GCGR: variants seen among roughly 807,000 people sequenced by gnomAD.
GCGR encodes glucagon receptor.
A neutral mutation model predicts 56.1 loss-of-function variants in GCGR; 41 were observed. The ratio of observed to expected loss-of-function variants is 0.73; its 90% CI spans 0.57 to 0.95. The LOEUF (loss-of-function observed/expected upper bound fraction) is 0.95. Ranked by LOEUF, GCGR falls within the 40% of genes least tolerant of loss-of-function variation. The pLI is 0.00. For missense variants in GCGR, 595 were observed against 638.2 expected (o/e 0.93, Z 0.73); for synonymous variants, 278 against 271.1 (o/e 1.03, Z -0.25).
At chr17:81,807,456 G>A (rs2037986600) in intron 1 of GCGR, among the ~76,000 whole-genome samples, 1 of 152,080 alleles carries the variant, frequency 6.6e-6, no homozygotes, top group South Asian at 2.1e-4. Context: ...CTGGCCCCAC[G>A]CGGGCTCACC....
In GCGR at chr17:81,813,512, C is replaced by T. The variant is rs1476420964; in HGVS notation, c.1257C>T (p.Arg419=). The change falls in exon 14 of 14, where the codon CGC becomes CGT. Residue 419 remains arginine (R), a synonymous_variant. Coordinates refer to ENST00000400723, the MANE Select transcript of GCGR (RefSeq NM_000160.5). This position sits in a 1 kb window ranked among gnomAD's most constrained non-coding sequence, Gnocchi z 5.3. ...TGCGGCGGCGTTGGCACCGCTGGCG[C>T]CTGGGCAAAGTGCTATGGGAGGAGC... is the stretch of plus-strand genomic sequence containing the variant. The part of the protein sequence containing the change: ...SELRRRWHRW[R]LGKVLWEERN... 6.5e-7 allele frequency: 1 copy of T among 1,535,682 alleles called. No individual in the cohort carries two copies. Among genetic ancestry groups the T allele is most frequent in the African/African-American group, 1.4e-5 (1 of 73,010 alleles).
In GCGR at chr17:81,804,865, G is replaced by A. The variant is rs986875858; in HGVS notation, c.-178+616G>A. ...CCACCACCCGGCCGACTCGGCCACC[G>A]GGCTTATGCTCCGACTCTGAACCGA... is the stretch of plus-strand genomic sequence containing the variant. On this transcript the variant is annotated intron_variant, in intron 1 of 13. Transcript: ENST00000400723. The surrounding 1 kb of genome is among the most constrained non-coding windows in gnomAD (Gnocchi z 8.2). Among the ~76,000 whole-genome samples, 3 of 151,850 alleles carry A rather than the reference G, an allele frequency of 2.0e-5. No individual in the cohort carries two copies. The highest frequency in any genetic ancestry group is 4.8e-5 in the African/African-American group (2 of 41,324).
chr17:81,809,781 G>C lies in GCGR; in HGVS notation c.61-1G>C. 6.5e-7 allele frequency: 1 copy of C among 1,535,702 alleles called. No homozygotes were observed. The highest frequency in any genetic ancestry group is 1.4e-5 in the African/African-American group (1 of 73,128). On this transcript the variant is annotated splice_acceptor_variant, in intron 2 of 13. Coordinates refer to ENST00000400723, the MANE Select transcript of GCGR (RefSeq NM_000160.5). LOFTEE classifies it high-confidence loss of function. ...TGGTTGCTTGTGCATGTGTCCCCCAGCCACAGGTCCCCTCCGCTCAGGTGA... is the reference window on the plus strand; with the variant it reads ...TGGTTGCTTGTGCATGTGTCCCCCACCCACAGGTCCCCTCCGCTCAGGTGA...
intron 1 of GCGR, among the ~76,000 whole-genome samples, chr17:81,808,594 A>C (rs2038009230): frequency 7.1e-6 from 1 of 141,362 alleles, no homozygotes; most frequent in Admixed American, 7.9e-5. Flanking sequence ...ATCTCCGCTC[A>C]CTGCAAGCTC....
rs2038066467 is a variant in GCGR, at chr17:81,810,307, G to C, written c.163+423G>C. On this transcript the variant is annotated intron_variant, in intron 3 of 13. Coordinates refer to ENST00000400723, the MANE Select transcript of GCGR (RefSeq NM_000160.5). This position sits in a 1 kb window ranked among gnomAD's most constrained non-coding sequence, Gnocchi z 4.6. ...GTGCAGGGAGAGGATAGGGCTGGAG[G>C]ACTCACCCGGGAGGCAGTGCCTGGG... 3.0e-6 allele frequency: 1 copy of C among 336,726 alleles called. No homozygotes were observed. The highest frequency in any genetic ancestry group is 4.2e-5 in the Admixed American group (1 of 23,998). 20.9% of individuals were successfully genotyped at this position (336,726 alleles called of 1,614,324 possible).
rs1488305349 is a variant in GCGR, at chr17:81,810,108, G to A, written c.163+224G>A. On this transcript the variant is annotated intron_variant, in intron 3 of 13. Coordinates refer to ENST00000400723, the MANE Select transcript of GCGR (RefSeq NM_000160.5). This position sits in a 1 kb window ranked among gnomAD's most constrained non-coding sequence, Gnocchi z 4.6. ...CCGCAGAGCCAGGAAATAACAGAAC[G>A]GTGGCATTGCCCCAGAACCGGCTGC... 15 of 612,328 alleles carry A rather than the reference G, an allele frequency of 2.4e-5. No individual in the cohort carries two copies. The highest frequency in any genetic ancestry group is 3.6e-5 in the South Asian group (2 of 55,600). The allele number at this position is 612,328 out of a possible 1,614,324, so 37.9% of individuals were successfully genotyped here.
Position 81,810,239 on chromosome 17 carries a change from A to G in GCGR, c.163+355A>G. Reference sequence around the variant, plus strand: ...GGAAGCTGGGACCCAGGGGCCTGGGAGGGCTCGGGTGGAGAGTGTATATCA... The same window carrying G: ...GGAAGCTGGGACCCAGGGGCCTGGGGGGGCTCGGGTGGAGAGTGTATATCA... On this transcript the variant is annotated intron_variant, in intron 3 of 13. Coordinates refer to ENST00000400723, the MANE Select transcript of GCGR (RefSeq NM_000160.5). This position sits in a 1 kb window ranked among gnomAD's most constrained non-coding sequence, Gnocchi z 4.6. 5.0e-6 allele frequency: 2 copies of G among 403,338 alleles called. No homozygotes were observed. The highest frequency in any genetic ancestry group is 2.1e-5 in the South Asian group (1 of 47,510). The allele number at this position is 403,338 out of a possible 1,614,324, so 25.0% of individuals were successfully genotyped here. A position where few individuals can be genotyped will look rare whatever the true frequency, so the allele number is the denominator to read the frequency against.
rs1183798672 is a variant in GCGR at position 81,812,953 on chromosome 17, C to A, written c.1176+8C>A. ...TTCCTCAGCTCCTTCCAGGTGCCCG[C>A]CCGCCCGCCGGCTCCCCCGCCCGGG... On this transcript the variant is annotated splice_region_variant and intron_variant, in intron 12 of 13. Transcript: ENST00000400723. The surrounding 1 kb of genome is among the most constrained non-coding windows in gnomAD (Gnocchi z 8.5). The A allele has an allele frequency of 1.3e-6, 2 of 1,535,592 alleles. No individual in the cohort carries two copies. Among genetic ancestry groups the A allele is most frequent in the Non-Finnish European group, 1.7e-6 (2 of 1,146,500 alleles).
At chr17:81,805,648 T>C (rs1430158410) in intron 1 of GCGR, among the ~76,000 whole-genome samples, 1 of 142,546 alleles carries the variant, frequency 7.0e-6, no homozygotes, top group African/African-American at 2.7e-5. Flanking sequence ...AACCCCCCTA[T>C]TGGGCACCTC....
At position 81,811,832 on chromosome 17, in the gene GCGR, G is replaced by A. The variant is rs1471704998; in HGVS notation, c.817+22G>A. 6.5e-7 allele frequency: 1 copy of A among 1,536,860 alleles called. No individual in the cohort carries two copies. On this transcript the variant is annotated intron_variant, in intron 8 of 13. Coordinates refer to ENST00000400723, the MANE Select transcript of GCGR (RefSeq NM_000160.5). This position sits in a 1 kb window ranked among gnomAD's most constrained non-coding sequence, Gnocchi z 5.8. ...TGGGGTGAGTGGGCTGGCATGAGAG[G>A]GGGTTAAGGCAGGCTGACCAAGCCT...
At position 81,811,943 on chromosome 17, in the gene GCGR, T is replaced by G. The variant is rs1168349939; in HGVS notation, c.875T>G (p.Val292Gly). The G allele has an allele frequency of 1.3e-6, 2 of 1,536,886 alleles. No individual in the cohort carries two copies. The highest frequency in any genetic ancestry group is 2.4e-5 in the South Asian group (2 of 84,044). ...GTGGTCAAGTGTCTGTTCGAGAACG[T>G]CCAGTGAGTATGAGCGGCTGGACAG... Reference protein sequence around the residue: ...WAVVKCLFENVQCWTSNDNMG... With the variant: ...WAVVKCLFENGQCWTSNDNMG... Residue 292 changes from valine to glycine, a missense_variant, in exon 9 of 14, where the codon GTC (valine) becomes GGC (glycine). Physicochemically the swap from Val to Gly is moderately radical, Grantham distance 109. Coordinates refer to ENST00000400723, the MANE Select transcript of GCGR (RefSeq NM_000160.5). The surrounding 1 kb of genome is among the most constrained non-coding windows in gnomAD (Gnocchi z 5.8).
At chr17:81,805,699 G>A (rs1241370269) in intron 1 of GCGR, among the ~76,000 whole-genome samples, 1 of 152,096 alleles carries the variant, frequency 6.6e-6, no homozygotes, top group East Asian at 1.9e-4. Context: ...CCCCCCTATT[G>A]GGCACCTTGG....
Position 81,813,168 on chromosome 17 carries a change from G to A in GCGR, c.1218+111G>A. ...CCCTGCCCGGGGGTTGGAACACGTG[G>A]GGCCCAAGCCTTTCCCTCCCCCTGC... On this transcript the variant is annotated intron_variant, in intron 13 of 13. Coordinates refer to ENST00000400723, the MANE Select transcript of GCGR (RefSeq NM_000160.5). This position sits in a 1 kb window ranked among gnomAD's most constrained non-coding sequence, Gnocchi z 5.3. 6.8e-7 allele frequency: 1 copy of A among 1,468,348 alleles called. No individual in the cohort carries two copies. Among genetic ancestry groups the A allele is most frequent in the Non-Finnish European group, 9.2e-7 (1 of 1,087,418 alleles). 91.0% of individuals were successfully genotyped at this position (1,468,348 alleles called of 1,614,324 possible). A position where few individuals can be genotyped will look rare whatever the true frequency, so the allele number is the denominator to read the frequency against.
Position 81,812,686 on chromosome 17 carries a change from C to T in GCGR, c.1037+21C>T, listed in dbSNP as rs568971553. ...TTCCGGTGGGTGCCGCGGCAGCTGGCGTCTCGAGACCTGGAGACCCTCAGG... is the reference window on the plus strand; with the variant it reads ...TTCCGGTGGGTGCCGCGGCAGCTGGTGTCTCGAGACCTGGAGACCCTCAGG... On this transcript the variant is annotated intron_variant, in intron 11 of 13. Coordinates refer to ENST00000400723, the MANE Select transcript of GCGR (RefSeq NM_000160.5). This position sits in a 1 kb window ranked among gnomAD's most constrained non-coding sequence, Gnocchi z 8.5. 10 of 1,531,232 alleles carry T rather than the reference C, an allele frequency of 6.5e-6. No individual in the cohort carries two copies. In the African/African-American group the frequency reaches 6.8e-5, roughly 10 times the overall value. 94.9% of individuals were successfully genotyped at this position (1,531,232 alleles called of 1,614,324 possible).
intron 1 of GCGR, among the ~76,000 whole-genome samples, chr17:81,808,516 CTTTTTTTTT>C (rs998083389): frequency 1.5e-5 from 2 of 134,798 alleles, no homozygotes; most frequent in East Asian, 4.2e-4. Context: ...CTATCGCCCT[CTTTTTTTTT>C]TTTTTTTTTT....
At chr17:81,805,687 AC>A (rs1317149780) in intron 1 of GCGR, among the ~76,000 whole-genome samples, 2 of 150,730 alleles carry the variant, frequency 1.3e-5, no homozygotes, top group African/African-American at 4.9e-5. Flanking sequence ...CACCTCGGGA[AC>A]CCCCCCTATT....
Position 81,812,131 on chromosome 17 carries a change from G to A in GCGR, c.879-52G>A. 2 of 1,532,220 alleles carry A rather than the reference G, an allele frequency of 1.3e-6. No homozygotes were observed. Among genetic ancestry groups the A allele is most frequent in the Non-Finnish European group, 8.7e-7 (1 of 1,143,548 alleles). 94.9% of individuals were successfully genotyped at this position (1,532,220 alleles called of 1,614,324 possible). A position where few individuals can be genotyped will look rare whatever the true frequency, so the allele number is the denominator to read the frequency against. On this transcript the variant is annotated intron_variant, in intron 9 of 13. Coordinates refer to ENST00000400723, the MANE Select transcript of GCGR (RefSeq NM_000160.5). This position sits in a 1 kb window ranked among gnomAD's most constrained non-coding sequence, Gnocchi z 8.5. Reference sequence around the variant, plus strand: ...CAAAATCGGGACGGGGGTGCTGAGGGGCGGAGGGGCTGGGGGCTGTGCCCC... The same window carrying A: ...CAAAATCGGGACGGGGGTGCTGAGGAGCGGAGGGGCTGGGGGCTGTGCCCC...
Position 81,810,679 on chromosome 17 carries a change from A to C in GCGR, c.164-146A>C, listed in dbSNP as rs2038073759. The stretch of plus-strand genomic sequence containing the variant: ...GGTCAGATGGGGGAGGTGGAGGTCA[A>C]GTGGGGGAGGGAGCAGCCCAGGCCA... On this transcript the variant is annotated intron_variant, in intron 3 of 13. Coordinates refer to ENST00000400723, the MANE Select transcript of GCGR (RefSeq NM_000160.5). The surrounding 1 kb of genome is among the most constrained non-coding windows in gnomAD (Gnocchi z 4.6). 2 of 727,912 alleles carry C rather than the reference A, an allele frequency of 2.7e-6. No individual in the cohort carries two copies. Among genetic ancestry groups the C allele is most frequent in the African/African-American group, 3.5e-5 (2 of 57,166 alleles). The allele number at this position is 727,912 out of a possible 1,614,324, so 45.1% of individuals were successfully genotyped here.
intron 2 of GCGR, 81 bp downstream of exon 2, chr17:81,809,159 C>CTGT: frequency 6.9e-7 from 1 of 1,449,250 alleles, no homozygotes; most frequent in Non-Finnish European, 9.2e-7. Context: ...TGCCTGCCTG[C>CTGT]CTGCCTGCCT....
Sources: allele counts gnomAD v4.1 joint callset (sites outside exome capture counted in the v4.1 genomes callset), GRCh38; gene constraint gnomAD v4.1.1; non-coding constraint Gnocchi (gnomAD v3.1); transcripts MANE v1.5; gene names NCBI Gene and HGNC (gene_info 2026-07-23, HGNC 2026-07-21).